GIN1: variants seen among roughly 807,000 people sequenced by gnomAD.
The protein encoded by GIN1 is gypsy retrotransposon integrase 1.
In GIN1, 41 loss-of-function variants were observed where a neutral mutation model predicts 51.4. The ratio of observed to expected loss-of-function variants is 0.80; its 90% confidence interval spans 0.62 to 1.04. GIN1 has a LOEUF of 1.04. Among genes scored for constraint, GIN1 ranks in the 50% least tolerant of loss-of-function variants. The probability of loss-of-function intolerance (pLI) is 0.00; values close to 1 mark genes in which losing one functional copy is unlikely to be tolerated. For synonymous variants in GIN1, 222 were observed against 206.5 expected (o/e 1.07, Z -0.64); for missense variants, 610 against 612.4 (o/e 1.00, Z 0.04).
At chr5:103,110,713 T>C (rs1489447450) in intron 1 of GIN1, among the ~76,000 whole-genome samples, 1 of 152,196 alleles carries the variant, frequency 6.6e-6, no homozygotes, top group East Asian at 1.9e-4. Context: ...CCTAAAGGTT[T>C]GGCAATTCTA....
intron 3 of GIN1, 33 bp from the exon 4 acceptor site, chr5:103,104,879 C>A: frequency 8.1e-7 from 1 of 1,231,534 alleles, no homozygotes; most frequent in South Asian, 1.4e-5. Context: ...AAAACACATA[C>A]AAATGTTAAC....
intron 7 of GIN1, 70 bp from the exon 8 acceptor site, chr5:103,088,242 T>G: frequency 2.2e-6 from 2 of 895,136 alleles, no homozygotes. Flanking sequence ...TTAAACAATT[T>G]TAAGTGAGGA....
rs530608782 is a variant in GIN1, at chr5:103,091,898, G to A, written c.1295-3726C>T. Among the ~76,000 whole-genome samples the A allele has an allele frequency of 1.6e-4, 24 of 152,078 alleles. No homozygotes were observed. The South Asian group carries it at 4.4e-3, about 28-fold the overall frequency. Reference sequence around the variant, plus strand: ...ATATTAGCTGGGTGTGGAGGTGGGCGCCTGTAATCCCAGCTACTCAGGAGG... The same window carrying A: ...ATATTAGCTGGGTGTGGAGGTGGGCACCTGTAATCCCAGCTACTCAGGAGG... On this transcript the variant is annotated intron_variant, in intron 7 of 7. Transcript: ENST00000399004.
At chr5:103,109,410 ACT>A (rs1787812989) in intron 1 of GIN1, among the ~76,000 whole-genome samples, 1 of 152,124 alleles carries the variant, frequency 6.6e-6, no homozygotes, top group Non-Finnish European at 1.5e-5. Flanking sequence ...AAGAGTATTT[ACT>A]GGAAAGAGAA....
chr5:103,105,146 A>G (rs1787688767), intron 3 of GIN1, among the ~76,000 whole-genome samples: 1 of 151,918 alleles, frequency 6.6e-6, no homozygotes, highest in South Asian at 2.1e-4. Flanking sequence ...AAAGTACTCT[A>G]TTGATAGGGA....
At chr5:103,114,293 G>C (rs371796968) in intron 1 of GIN1, among the ~76,000 whole-genome samples, 1 of 152,344 alleles carries the variant, frequency 6.6e-6, no homozygotes, top group African/African-American at 2.4e-5. Flanking sequence ...ACCTGTACCA[G>C]TCAGCTAGGA....
chr5:103,092,301 A>C (rs1408305554), intron 7 of GIN1, among the ~76,000 whole-genome samples: 1 of 152,118 alleles, frequency 6.6e-6, no homozygotes, highest in Non-Finnish European at 1.5e-5. Flanking sequence ...CACTGTGCCC[A>C]GCCTTAATGT....
At position 103,107,209 on chromosome 5, in the gene GIN1, C is replaced by A. The variant is rs34828; in HGVS notation, c.140-300G>T. ...TACGGAAATATGAAATTATCTCTCT[C>A]TGGGAGTACTCAAAGTAGGAAGATT... On this transcript the variant is annotated intron_variant, in intron 2 of 7. Transcript: ENST00000399004. Among the ~76,000 whole-genome samples the A allele has an allele frequency of 0.3, 45,237 of 151,806 alleles. 6,894 individuals carry two copies. The highest frequency in any genetic ancestry group is 0.45 in the East Asian group (2,316 of 5,156).
chr5:103,096,701 C>A lies in GIN1; in HGVS notation c.1134G>T (p.Trp378Cys). Residue 378 changes from tryptophan to cysteine, a missense_variant, in exon 7 of 8, where the codon TGG (tryptophan) becomes TGT (cysteine). Transcript: ENST00000399004. ...ATTCAGACTGAAAACGACCATCCTT[C>A]CACCAATTTTTCCTTTGTCTTAAAA... is the stretch of plus-strand genomic sequence containing the variant. ...HEVLRQRKNW[W>C]KDGRFQSEWV... 1.9e-6 allele frequency: 3 copies of A among 1,614,010 alleles called. No homozygotes were observed. The highest frequency in any genetic ancestry group is 2.5e-6 in the Non-Finnish European group (3 of 1,179,936).
intron 4 of GIN1, among the ~76,000 whole-genome samples, chr5:103,100,421 T>G (rs1464960904): frequency 6.6e-6 from 1 of 151,780 alleles, no homozygotes; most frequent in Non-Finnish European, 1.5e-5. Flanking sequence ...TGAGACAGGG[T>G]CTCACTGTTG....
chr5:103,116,889 A>T (rs1423472348), intron 1 of GIN1, among the ~76,000 whole-genome samples: 2 of 152,094 alleles, frequency 1.3e-5, no homozygotes, highest in African/African-American at 2.4e-5. Flanking sequence ...CACTAACAAC[A>T]ACAAAAATAA....
In GIN1 at chr5:103,104,902, A is replaced by T. The variant is rs1554196151; in HGVS notation, c.334-56T>A. On this transcript the variant is annotated intron_variant, in intron 3 of 7. Coordinates refer to ENST00000399004, the MANE Select transcript of GIN1 (RefSeq NM_017676.2). ...TACAAATGTTAACACTCAACACAATATAAAAGCAGTCTTATAAATCTGAAT... is the reference window on the plus strand; with the variant it reads ...TACAAATGTTAACACTCAACACAATTTAAAAGCAGTCTTATAAATCTGAAT... 3 of 1,040,700 alleles carry T rather than the reference A, an allele frequency of 2.9e-6. No individual in the cohort carries two copies. In the East Asian group the frequency reaches 7.2e-5, roughly 25 times the overall value. The allele number at this position is 1,040,700 out of a possible 1,614,324, so 64.5% of individuals were successfully genotyped here.
intron 7 of GIN1, among the ~76,000 whole-genome samples, chr5:103,090,097 T>C (rs1004898469): frequency 4.1e-4 from 62 of 152,354 alleles, no homozygotes; most frequent in African/African-American, 1.5e-3. Flanking sequence ...GAGACCAACC[T>C]GGCTAACACG....
rs1203917872 is a variant in GIN1, at chr5:103,096,630, G to C, written c.1205C>G (p.Ala402Gly). 1.2e-6 allele frequency: 2 copies of C among 1,611,792 alleles called. No homozygotes were observed. Among genetic ancestry groups the C allele is most frequent in the Non-Finnish European group, 1.7e-6 (2 of 1,177,952 alleles). The change falls in exon 7 of 8, where the codon GCT (alanine) becomes GGT (glycine). Residue 402 changes from alanine to glycine, a missense_variant. Transcript: ENST00000399004. ...AACCCCAGTGTTGTCTCTCAGGACA[G>C]CACATCCACTTTCTGTAATATAGTC... ...VIDYITESGCAVLRDNTGVRL... is the reference protein window; with the variant it reads ...VIDYITESGCGVLRDNTGVRL...
chr5:103,108,227 A>C (rs1040407752), intron 2 of GIN1, among the ~76,000 whole-genome samples: 2 of 152,082 alleles, frequency 1.3e-5, no homozygotes, highest in Non-Finnish European at 2.9e-5. Flanking sequence ...TTTTCATATT[A>C]AGCATCAAAA....
chr5:103,090,158 A>G (rs1472971179), intron 7 of GIN1, among the ~76,000 whole-genome samples: 1 of 152,174 alleles, frequency 6.6e-6, no homozygotes, highest in African/African-American at 2.4e-5. Flanking sequence ...GCATGGTGGC[A>G]TGTGCCTGTA....
chr5:103,102,792 A>AAGGCC (rs1554195912), intron 4 of GIN1: 8 of 152,232 alleles, frequency 5.3e-5, no homozygotes, highest in Non-Finnish European at 1.5e-5. Context: ...AGGTGGGGGT[A>AAGGCC]TCACTTGAGC....
chr5:103,115,253 C>T (rs1393066503), intron 1 of GIN1, among the ~76,000 whole-genome samples: 1 of 152,108 alleles, frequency 6.6e-6, no homozygotes, highest in Non-Finnish European at 1.5e-5. Flanking sequence ...CCACATCACC[C>T]ACAACAGCCA....
chr5:103,087,879 A>C lies in GIN1; in HGVS notation c.*19T>G, dbSNP rs1554194062. The C allele has an allele frequency of 9.3e-7, 1 of 1,071,884 alleles. No homozygotes were observed. Among genetic ancestry groups the C allele is most frequent in the Non-Finnish European group, 1.3e-6 (1 of 749,546 alleles). 66.4% of individuals were successfully genotyped at this position (1,071,884 alleles called of 1,614,324 possible). On this transcript the variant is annotated 3_prime_UTR_variant, in exon 8 of 8. Coordinates refer to ENST00000399004, the MANE Select transcript of GIN1 (RefSeq NM_017676.2). The stretch of plus-strand genomic sequence containing the variant: ...AATTTATATTCTAAACAAACAATTT[A>C]AATAAATTTTGGTATTTACTAACTT...
Sources: allele counts gnomAD v4.1 joint callset (sites outside exome capture counted in the v4.1 genomes callset), GRCh38; gene constraint gnomAD v4.1.1; transcripts MANE v1.5; gene names NCBI Gene and HGNC (gene_info 2026-07-23, HGNC 2026-07-21).